Variants in SCML4 observed in about 807,000 individuals in gnomAD.
The protein encoded by SCML4 is Scm polycomb group protein like 4.
In SCML4, 34 loss-of-function variants were observed where a neutral mutation model predicts 41.1. That is an observed-to-expected ratio of 0.83 (90% CI 0.63 to 1.10). The LOEUF (loss-of-function observed/expected upper bound fraction) is 1.10, where lower values mean the gene tolerates loss of function less well. Ranked by LOEUF, SCML4 falls within the 50% of genes least tolerant of loss-of-function variation. The probability of loss-of-function intolerance (pLI) is 0.00; values close to 1 mark genes in which losing one functional copy is unlikely to be tolerated. For missense variants in SCML4, 522 were observed against 534.1 expected, an observed-to-expected ratio of 0.98 and a Z score of 0.22; for synonymous variants, 214 against 220.9, an observed-to-expected ratio of 0.97 and a Z score of 0.28.
At chr6:107,758,062 AT>A (rs1010620563) in intron 2 of SCML4, among the ~76,000 whole-genome samples, 1 of 152,230 alleles carries the variant, frequency 6.6e-6, no homozygotes, top group African/African-American at 2.4e-5. Flanking sequence ...AGGAAAAAAA[AT>A]CATTCATTCA....
upstream of SCML4, among the ~76,000 whole-genome samples, chr6:107,827,579 A>G (rs912722543): frequency 6.6e-6 from 1 of 152,208 alleles, no homozygotes; most frequent in African/African-American, 2.4e-5. Context: ...GGACCTGCTA[A>G]GAAGAAAAGT....
At chr6:107,707,404 A>T (rs766022855) in intron 7 of SCML4, among the ~76,000 whole-genome samples, 1 of 152,216 alleles carries the variant, frequency 6.6e-6, no homozygotes. Flanking sequence ...ATATTTTAGC[A>T]TATCTCAAAA....
At chr6:107,823,880 T>A (rs1442394621) in intron 1 of SCML4, among the ~76,000 whole-genome samples, 3 of 152,202 alleles carry the variant, frequency 2.0e-5, no homozygotes, top group African/African-American at 4.8e-5. Context: ...ATTTATAAAC[T>A]ATATAATTCA....
the SCML4 span, among the ~76,000 whole-genome samples, chr6:107,845,986 G>C: frequency 1.3e-5 from 2 of 152,210 alleles, no homozygotes; most frequent in Non-Finnish European, 2.9e-5. Flanking sequence ...CTGATGTGGG[G>C]AGAGAAGGGC....
chr6:107,752,430 T>C (rs1778772751), intron 2 of SCML4, among the ~76,000 whole-genome samples: 1 of 152,034 alleles, frequency 6.6e-6, no homozygotes. Flanking sequence ...ACCATAATAA[T>C]GGAAGATATC....
intron 1 of SCML4, among the ~76,000 whole-genome samples, chr6:107,800,850 G>A (rs918059352): frequency 3.9e-5 from 6 of 152,226 alleles, no homozygotes; most frequent in South Asian, 2.1e-4. Flanking sequence ...TTGGTGGCAA[G>A]TAGATCAATA....
chr6:107,744,678 C>T (rs551762160), intron 5 of SCML4, among the ~76,000 whole-genome samples: 8 of 152,290 alleles, frequency 5.3e-5, no homozygotes, highest in African/African-American at 1.7e-4. Flanking sequence ...GTCTCATTGT[C>T]TAAATTCTAA....
intron 1 of SCML4, among the ~76,000 whole-genome samples, chr6:107,819,536 G>C (rs892409943): frequency 3.3e-5 from 5 of 152,030 alleles, no homozygotes; most frequent in Admixed American, 2.0e-4. Context: ...ATGTTTTCTG[G>C]AGAAAGTAAG....
chr6:107,821,080 C>T (rs1222428408), intron 1 of SCML4, among the ~76,000 whole-genome samples: 1 of 152,160 alleles, frequency 6.6e-6, no homozygotes, highest in African/African-American at 2.4e-5. Flanking sequence ...CTGTGTACTG[C>T]CCCGGGGCTG....
At chr6:107,727,512 C>T (rs1419278988) in intron 5 of SCML4, among the ~76,000 whole-genome samples, 1 of 152,166 alleles carries the variant, frequency 6.6e-6, no homozygotes, top group Non-Finnish European at 1.5e-5. Flanking sequence ...TCAAGTGTAA[C>T]AAACACGGCG....
At chr6:107,807,472 C>T (rs907481174) in intron 1 of SCML4, among the ~76,000 whole-genome samples, 5 of 152,238 alleles carry the variant, frequency 3.3e-5, no homozygotes, top group African/African-American at 9.6e-5. Context: ...CCAGCTGCCA[C>T]AGCACAGAGT....
At chr6:107,839,080 G>A in the SCML4 span, among the ~76,000 whole-genome samples, 2 of 152,016 alleles carry the variant, frequency 1.3e-5, no homozygotes, top group African/African-American at 2.4e-5. Flanking sequence ...CAGGAGGATC[G>A]CTTGAGGCCA....
intron 5 of SCML4, among the ~76,000 whole-genome samples, chr6:107,728,801 A>G (rs1776245011): frequency 6.6e-6 from 1 of 152,190 alleles, no homozygotes. Context: ...GCCCAGGTGG[A>G]CAACTGTCAA....
At chr6:107,801,513 C>T (rs775330229) in intron 1 of SCML4, among the ~76,000 whole-genome samples, 12 of 152,142 alleles carry the variant, frequency 7.9e-5, no homozygotes, top group Non-Finnish European at 1.5e-4. Context: ...TAGAGTCCAT[C>T]GAGATTTTTT....
At position 107,746,830 on chromosome 6, in the gene SCML4, G is replaced by A. The variant is rs748864966; in HGVS notation, c.346C>T (p.Gln116Ter). Residue 116 changes from glutamine to a stop codon, truncating the protein, a stop_gained, in exon 4 of 8, where the codon CAG (glutamine) becomes TAG (stop). Transcript: ENST00000369020. LOFTEE classifies it high-confidence loss of function. ...GGCCCAAAATGCTCCGGGAGCTGCT[G>A]CACCTTCTTCCTCTCCAGATAGGGC... ...AGPYLERKKV[Q>*]QLPEHFGPER... 1.2e-6 allele frequency: 2 copies of A among 1,614,096 alleles called. No homozygotes were observed. The highest frequency in any genetic ancestry group is 1.3e-5 in the African/African-American group (1 of 75,074).
At chr6:107,738,516 G>C (rs1320446728) in intron 5 of SCML4, among the ~76,000 whole-genome samples, 1 of 152,190 alleles carries the variant, frequency 6.6e-6, no homozygotes, top group East Asian at 1.9e-4. Context: ...AGCTACTTGG[G>C]AGGCTGAGGC....
chr6:107,840,325 G>T, the SCML4 span, among the ~76,000 whole-genome samples: 1 of 152,242 alleles, frequency 6.6e-6, no homozygotes, highest in Non-Finnish European at 1.5e-5. Context: ...TGGGGTAAAT[G>T]ATGTGACCCA....
chr6:107,751,898 G>A (rs898138097), intron 2 of SCML4, among the ~76,000 whole-genome samples: 1 of 152,122 alleles, frequency 6.6e-6, no homozygotes, highest in African/African-American at 2.4e-5. Flanking sequence ...CCCCCAAAGT[G>A]CTGGGATTAC....
chr6:107,776,672 G>A (rs1780976736), intron 1 of SCML4, among the ~76,000 whole-genome samples: 3 of 152,046 alleles, frequency 2.0e-5, no homozygotes, highest in African/African-American at 7.2e-5. Context: ...TGAAAAGCAC[G>A]TAAAAATTTA....
Sources: allele counts gnomAD v4.1 joint callset (sites outside exome capture counted in the v4.1 genomes callset), GRCh38; gene constraint gnomAD v4.1.1; transcripts MANE v1.5; gene names NCBI Gene and HGNC (gene_info 2026-07-23, HGNC 2026-07-21).